Variants in NAALADL2 observed in about 807,000 individuals in gnomAD.
NAALADL2 encodes the protein inactive N-acetylated-alpha-linked acidic dipeptidase-like protein 2.
A neutral mutation model predicts 87.2 loss-of-function variants in NAALADL2; 76 were observed. That is an observed-to-expected ratio of 0.87 (90% CI 0.72 to 1.05). The LOEUF (loss-of-function observed/expected upper bound fraction) is 1.05, where lower values mean the gene tolerates loss of function less well. NAALADL2 is among the 50% of genes least tolerant of loss of function. The pLI, the probability that NAALADL2 is intolerant of heterozygous loss-of-function variation, is 0.00. For missense variants in NAALADL2, 1,089 were observed against 945.8 expected (o/e 1.15, Z -1.99); for synonymous variants, 354 against 331.0 (o/e 1.07, Z -0.75).
At chr3:175,639,148 C>T (rs374061806) in intron 11 of NAALADL2, among the ~76,000 whole-genome samples, 35 of 152,058 alleles carry the variant, frequency 2.3e-4, no homozygotes, top group African/African-American at 8.2e-4. Context: ...ATCATGTTTG[C>T]CCTAATGTTG....
chr3:175,463,981 C>A (rs1170832430), intron 7 of NAALADL2, among the ~76,000 whole-genome samples: 1 of 152,076 alleles, frequency 6.6e-6, no homozygotes, highest in African/African-American at 2.4e-5. Context: ...AGGCACCCAC[C>A]ACCAAGCCCG....
chr3:174,924,286 C>T (rs1381873537), intron 1 of NAALADL2, among the ~76,000 whole-genome samples: 3 of 145,348 alleles, frequency 2.1e-5, no homozygotes, highest in Non-Finnish European at 4.5e-5. Flanking sequence ...TGTTCAATTC[C>T]CACCTATGAG....
At chr3:175,144,374 G>A (rs1170116689) in intron 2 of NAALADL2, among the ~76,000 whole-genome samples, 1 of 151,858 alleles carries the variant, frequency 6.6e-6, no homozygotes, top group African/African-American at 2.4e-5. Context: ...TGGAAAACAG[G>A]AATTGATTAT....
At chr3:174,981,748 A>G (rs1262266076) in intron 1 of NAALADL2, among the ~76,000 whole-genome samples, 3 of 152,116 alleles carry the variant, frequency 2.0e-5, no homozygotes, top group Non-Finnish European at 4.4e-5. Flanking sequence ...TAGGCAGTAC[A>G]GTGTCAGTTG....
At chr3:174,922,987 T>C (rs142688383) in intron 1 of NAALADL2, among the ~76,000 whole-genome samples, 5 of 152,262 alleles carry the variant, frequency 3.3e-5, no homozygotes, top group Non-Finnish European at 1.5e-5. Context: ...AAAGTATCTT[T>C]GGGGAGATAC....
intron 9 of NAALADL2, among the ~76,000 whole-genome samples, chr3:175,570,253 G>C (rs141473773): frequency 6.6e-6 from 1 of 152,112 alleles, no homozygotes; most frequent in Non-Finnish European, 1.5e-5. Context: ...GTTCCATTCA[G>C]GTCTTCAGCT....
intron 3 of NAALADL2, among the ~76,000 whole-genome samples, chr3:174,786,193 G>A (rs1251024617): frequency 6.6e-6 from 1 of 152,152 alleles, no homozygotes; most frequent in Non-Finnish European, 1.5e-5. Flanking sequence ...ACTCACGCCT[G>A]TAATCACAGC....
chr3:175,153,766 G>A (rs1035422281), intron 2 of NAALADL2, among the ~76,000 whole-genome samples: 1 of 152,112 alleles, frequency 6.6e-6, no homozygotes, highest in Non-Finnish European at 1.5e-5. Flanking sequence ...TTAGTTTATT[G>A]GCATGTAGAT....
intron 1 of NAALADL2, among the ~76,000 whole-genome samples, chr3:174,956,920 A>C (rs1220311037): frequency 6.6e-6 from 1 of 152,046 alleles, no homozygotes; most frequent in Non-Finnish European, 1.5e-5. Flanking sequence ...AAGAGAACTT[A>C]AACCTTTTTT....
chr3:175,584,872 T>G (rs1036511065), intron 10 of NAALADL2, among the ~76,000 whole-genome samples: 1 of 152,166 alleles, frequency 6.6e-6, no homozygotes, highest in Non-Finnish European at 1.5e-5. Context: ...GAGTAAGTGG[T>G]GAGTGAATGT....
chr3:175,630,485 C>T (rs1445986412), intron 11 of NAALADL2, among the ~76,000 whole-genome samples: 1 of 151,392 alleles, frequency 6.6e-6, no homozygotes, highest in African/African-American at 2.4e-5. Flanking sequence ...TTAAAAAAAA[C>T]TAGTATTAAA....
At chr3:175,248,144 A>T (rs1437176012) in intron 3 of NAALADL2, among the ~76,000 whole-genome samples, 3 of 152,128 alleles carry the variant, frequency 2.0e-5, no homozygotes, top group Non-Finnish European at 2.9e-5. Flanking sequence ...ATGGGGAAAA[A>T]TCCGGATTAC....
At position 175,710,932 on chromosome 3, in the gene NAALADL2, T is replaced by C. The variant is rs1223589099; in HGVS notation, c.1897-26374T>C. 2.0e-5 allele frequency among the ~76,000 whole-genome samples: 3 copies of C among 152,062 alleles called. No homozygotes were observed. In the East Asian group the frequency reaches 5.8e-4, roughly 29 times the overall value. On this transcript the variant is annotated intron_variant, in intron 11 of 13. Transcript: ENST00000454872. ...TTATTTTGTTGTTCAAGAATAAATATAGCCCAGAATTATTCTTGATGTTGC... is the reference window on the plus strand; with the variant it reads ...TTATTTTGTTGTTCAAGAATAAATACAGCCCAGAATTATTCTTGATGTTGC...
At chr3:175,557,062 A>C (rs887844178) in intron 9 of NAALADL2, among the ~76,000 whole-genome samples, 1 of 152,214 alleles carries the variant, frequency 6.6e-6, no homozygotes, top group Non-Finnish European at 1.5e-5. Context: ...ATATGTAATA[A>C]GTGTGTATGA....
intron 13 of NAALADL2, among the ~76,000 whole-genome samples, chr3:175,791,892 G>A (rs2151608): frequency 0.23 from 34,132 of 146,792 alleles, 4,390 homozygotes; most frequent in African/African-American, 0.35. Flanking sequence ...TGTGGAATTT[G>A]CTTTTAGAGT....
intron 9 of NAALADL2, among the ~76,000 whole-genome samples, chr3:175,486,518 A>T (rs1027399523): frequency 1.3e-5 from 2 of 152,112 alleles, no homozygotes; most frequent in Non-Finnish European, 2.9e-5. Context: ...GAAACTCCAC[A>T]TTCATACTTC....
rs111859992 is a variant in NAALADL2 at position 174,962,136 on chromosome 3, A to G, written c.43+102686A>G. On this transcript the variant is annotated intron_variant, in intron 1 of 13. Transcript: ENST00000454872. ...AGTAGCCCTATGGAGAGAGCCATTT[A>G]GTGAGATCTCTCGCCAACAGCCAGG... Among the ~76,000 whole-genome samples the G allele has an allele frequency of 3.5e-3, 535 of 151,850 alleles. 2 individuals are homozygous for G. Among genetic ancestry groups the G allele is most frequent in the African/African-American group, 0.012 (518 of 41,448 alleles).
intron 3 of NAALADL2, among the ~76,000 whole-genome samples, chr3:174,820,067 G>A (rs1721254252): frequency 6.6e-6 from 1 of 152,016 alleles, no homozygotes; most frequent in Admixed American, 6.6e-5. Context: ...TTGTAATGTG[G>A]CTCTCAGTAA....
intron 2 of NAALADL2, among the ~76,000 whole-genome samples, chr3:174,703,589 T>C (rs1729774700): frequency 6.6e-6 from 1 of 152,204 alleles, no homozygotes; most frequent in East Asian, 1.9e-4. Flanking sequence ...GTGAAGTATA[T>C]AATTAGAGGA....
Sources: allele counts gnomAD v4.1 joint callset (sites outside exome capture counted in the v4.1 genomes callset), GRCh38; gene constraint gnomAD v4.1.1; transcripts MANE v1.5; gene names NCBI Gene and HGNC (gene_info 2026-07-23, HGNC 2026-07-21).